Variants in SERINC2 observed in about 807,000 individuals in gnomAD.
SERINC2 encodes the protein tumor differentially expressed protein 2.
In SERINC2, 56 loss-of-function variants were observed where a neutral mutation model predicts 54.2. That is an observed-to-expected ratio of 1.03 (90% CI 0.83 to 1.29). The LOEUF (loss-of-function observed/expected upper bound fraction) is 1.29. Among genes scored for constraint, SERINC2 ranks in the 50% most tolerant of loss-of-function variants. The pLI is 0.00. For missense variants in SERINC2, 614 were observed against 607.4 expected, an observed-to-expected ratio of 1.01 and a Z score of -0.12; for synonymous variants, 272 against 253.1, an observed-to-expected ratio of 1.07 and a Z score of -0.71.
chr1:31,433,278 T>C, intron 9 of SERINC2, 93 bp downstream of exon 9: 1 of 1,088,826 alleles, frequency 9.2e-7, no homozygotes. Flanking sequence ...TTTCCTGATG[T>C]CTGCTTAAGG....
chr1:31,415,952 A>G, intron 1 of SERINC2: 2 of 979,802 alleles, frequency 2.0e-6, no homozygotes, highest in African/African-American at 1.7e-5. Context: ...TCCACAGGGG[A>G]TGGGGCCACC....
upstream of SERINC2, among the ~76,000 whole-genome samples, chr1:31,411,912 G>T (rs1640655181): frequency 6.7e-6 from 1 of 149,656 alleles, no homozygotes; most frequent in Admixed American, 6.8e-5. Flanking sequence ...GAGGTGGGAG[G>T]ATCACTTGGG....
In SERINC2 at chr1:31,424,863, A is replaced by C. The variant is rs782482661; in HGVS notation, c.382A>C (p.Ile128Leu). ...CAGCAGCCGGGACCCCCGGGCTGCC[A>C]TCCAGAATGGGTGAGAGAGGGGTCC... is the stretch of plus-strand genomic sequence containing the variant. ...VSSSRDPRAAIQNGFWFFKFL... is the reference protein window; with the variant it reads ...VSSSRDPRAALQNGFWFFKFL... The change falls in exon 3 of 10, where the codon ATC becomes CTC. Residue 128 changes from isoleucine to leucine, a missense_variant. Ile to Leu is a conservative substitution (Grantham distance 5). Transcript: ENST00000373709. 6.2e-7 allele frequency: 1 copy of C among 1,611,064 alleles called. No homozygotes were observed. The highest frequency in any genetic ancestry group is 8.5e-7 in the Non-Finnish European group (1 of 1,179,242).
rs782793850 is a variant in SERINC2 at position 31,425,894 on chromosome 1, T to C, written c.591T>C (p.Asp197=). 1.2e-6 allele frequency: 2 copies of C among 1,612,374 alleles called. No individual in the cohort carries two copies. The highest frequency in any genetic ancestry group is 1.7e-5 in the Admixed American group (1 of 60,012). Reference sequence around the variant, plus strand: ...GGCTGGGCAAGGCCGAGGAGTGCGATTCCCGTGCCTGGTACGCAGGTCAGT... The same window carrying C: ...GGCTGGGCAAGGCCGAGGAGTGCGACTCCCGTGCCTGGTACGCAGGTCAGT... ...QRWLGKAEEC[D]SRAWYAGLFF... is the part of the protein sequence containing the mutation. The change falls in exon 5 of 10, where the codon GAT becomes GAC. Residue 197 remains aspartate, a synonymous_variant. Coordinates refer to ENST00000373709, the MANE Select transcript of SERINC2 (RefSeq NM_178865.5).
chr1:31,429,648 C>A (rs782508880), intron 8 of SERINC2, 110 bp downstream of exon 8: 2 of 1,199,922 alleles, frequency 1.7e-6, no homozygotes, highest in Non-Finnish European at 2.3e-6. Flanking sequence ...TCTTCACATT[C>A]AATATATCCA....
At chr1:31,410,940 G>A (rs189460069), upstream of SERINC2, among the ~76,000 whole-genome samples, 1 of 152,170 alleles carries the variant, frequency 6.6e-6, no homozygotes, top group African/African-American at 2.4e-5. Flanking sequence ...CTGCTTGGTG[G>A]CATTTCAGTC....
At position 31,413,229 on chromosome 1, in the gene SERINC2, G is replaced by A. The variant is rs1369787540; in HGVS notation, c.-37G>A. 4.3e-5 allele frequency: 48 copies of A among 1,120,614 alleles called. No homozygotes were observed. The highest frequency in any genetic ancestry group is 5.1e-5 in the African/African-American group (3 of 58,880). The allele number at this position is 1,120,614 out of a possible 1,614,324, so 69.4% of individuals were successfully genotyped here. On this transcript the variant is annotated 5_prime_UTR_variant, in exon 1 of 10. Coordinates refer to ENST00000373709, the MANE Select transcript of SERINC2 (RefSeq NM_178865.5). The surrounding 1 kb of genome is among the most constrained non-coding windows in gnomAD (Gnocchi z 5.0). ...CCGGATCCCGAGGTCCGCGCCCCGC[G>A]CCCGGCGCCGGGCGCCCGAAGCCGG...
Position 31,429,166 on chromosome 1 carries a change from C to T in SERINC2, c.871+98C>T, listed in dbSNP as rs1641126699. ...GACCCTCACAGGTGACAGGGACATC[C>T]CTGCTCCAGCCCATTCTGAGACTCA... On this transcript the variant is annotated intron_variant, in intron 7 of 9. Transcript: ENST00000373709. 4.7e-5 allele frequency: 54 copies of T among 1,139,678 alleles called. No individual in the cohort carries two copies. The South Asian group carries it at 6.5e-4, about 14-fold the overall frequency. The allele number at this position is 1,139,678 out of a possible 1,614,324, so 70.6% of individuals were successfully genotyped here. A position where few individuals can be genotyped will look rare whatever the true frequency, so the allele number is the denominator to read the frequency against.
intron 8 of SERINC2, 112 bp from the exon 9 acceptor site, chr1:31,432,855 C>T (rs1641351887): frequency 3.8e-6 from 3 of 786,644 alleles, no homozygotes; most frequent in Middle Eastern, 3.7e-4. Context: ...TTTGTTAACT[C>T]CCAGGCCCAG....
At chr1:31,432,887 A>G (rs1451192990) in intron 8 of SERINC2, 80 bp from the exon 9 acceptor site, 15 of 1,177,652 alleles carry the variant, frequency 1.3e-5, no homozygotes, top group Non-Finnish European at 1.7e-5. Flanking sequence ...CTGGCCTCTG[A>G]GGCTCTGGGA....
chr1:31,421,022 G>A (rs1396909709), intron 1 of SERINC2, among the ~76,000 whole-genome samples: 1 of 152,162 alleles, frequency 6.6e-6, no homozygotes, highest in South Asian at 2.1e-4. Flanking sequence ...CCATGGACTA[G>A]TATCTATCCA....
rs1641210911 is a variant in SERINC2, at chr1:31,431,758, G to GAT, written c.1014-1208_1014-1207insTA. Among the ~76,000 whole-genome samples the GAT allele has an allele frequency of 3.3e-5, 5 of 151,470 alleles. 1 individual carries two copies. Among genetic ancestry groups the GAT allele is most frequent in the Non-Finnish European group, 7.4e-5 (5 of 67,964 alleles). ...CATATGGTATTTGGTAGATAGGGTG[G>GAT]AGAGGGTGGAGAGGGTGAATAGGGT... On this transcript the variant is annotated intron_variant, in intron 8 of 9. Transcript: ENST00000373709.
intron 4 of SERINC2, 114 bp from the exon 5 acceptor site, chr1:31,425,662 C>G: frequency 7.5e-7 from 1 of 1,326,696 alleles, no homozygotes; most frequent in South Asian, 1.3e-5. Context: ...TCCCTGAGGG[C>G]AGGGACTCTG....
intron 8 of SERINC2, 110 bp downstream of exon 8, chr1:31,429,648 C>G: frequency 2.5e-6 from 3 of 1,200,040 alleles, no homozygotes; most frequent in Non-Finnish European, 3.5e-6. Context: ...TCTTCACATT[C>G]AATATATCCA....
Position 31,424,737 on chromosome 1 carries a change from A to G in SERINC2, c.256A>G (p.Ile86Val), listed in dbSNP as rs1640988222. 1.2e-6 allele frequency: 2 copies of G among 1,610,424 alleles called. No homozygotes were observed. Among genetic ancestry groups the G allele is most frequent in the Admixed American group, 1.7e-5 (1 of 59,468 alleles). The part of the protein sequence containing the change: ...AGIPTVLQGH[I>V]DCGSLLGYRA... ...GATCCCCACCGTCCTGCAGGGCCAC[A>G]TCGACTGTGGCTCCCTGCTTGGCTA... Residue 86 changes from isoleucine (I) to valine (V), a missense_variant, in exon 3 of 10, where the codon ATC becomes GTC. By Grantham distance (29) the Ile-to-Val change is conservative (BLOSUM62 3). Transcript: ENST00000373709.
Position 31,424,776 on chromosome 1 carries a change from C to A in SERINC2, c.295C>A (p.Arg99Ser), listed in dbSNP as rs144622850. The A allele has an allele frequency of 2.5e-6, 4 of 1,612,362 alleles. No homozygotes were observed. Among genetic ancestry groups the A allele is most frequent in the Non-Finnish European group, 3.4e-6 (4 of 1,179,482 alleles). ...CCTGCTTGGCTACCGCGCTGTCTAC[C>A]GCATGTGCTTCGCCACGGCGGCCTT... is the stretch of plus-strand genomic sequence containing the variant. ...GSLLGYRAVY[R>S]MCFATAAFFF... Residue 99 changes from arginine to serine, a missense_variant, in exon 3 of 10, where the codon CGC (arginine) becomes AGC (serine). Coordinates refer to ENST00000373709, the MANE Select transcript of SERINC2 (RefSeq NM_178865.5).
chr1:31,432,786 G>T (rs1641348911), intron 8 of SERINC2, among the ~76,000 whole-genome samples, 181 bp from the exon 9 acceptor site: 2 of 152,242 alleles, frequency 1.3e-5, no homozygotes, highest in Non-Finnish European at 2.9e-5. Flanking sequence ...TAAGTGTTTT[G>T]CTCAAGGTCA....
Position 31,429,391 on chromosome 1 carries a change from C to G in SERINC2, c.872-6C>G. 6.2e-7 allele frequency: 1 copy of G among 1,608,226 alleles called. No homozygotes were observed. Among genetic ancestry groups the G allele is most frequent in the Non-Finnish European group, 8.5e-7 (1 of 1,176,892 alleles). On this transcript the variant is annotated splice_region_variant and splice_polypyrimidine_tract_variant and intron_variant, in intron 7 of 9. Coordinates refer to ENST00000373709, the MANE Select transcript of SERINC2 (RefSeq NM_178865.5). Reference sequence around the variant, plus strand: ...GGGCTGAGGGTGATTGTGCTCCCATCTCCAGAACAGAAATGCAACCCCCAT... The same window carrying G: ...GGGCTGAGGGTGATTGTGCTCCCATGTCCAGAACAGAAATGCAACCCCCAT...
chr1:31,415,526 T>C (rs545396423), intron 1 of SERINC2, among the ~76,000 whole-genome samples: 60 of 152,320 alleles, frequency 3.9e-4, no homozygotes, highest in Non-Finnish European at 7.9e-4. Flanking sequence ...CTAGGCCCCA[T>C]ACAGTAGTGA....
Sources: allele counts gnomAD v4.1 joint callset (sites outside exome capture counted in the v4.1 genomes callset), GRCh38; gene constraint gnomAD v4.1.1; non-coding constraint Gnocchi (gnomAD v3.1); transcripts MANE v1.5; gene names NCBI Gene and HGNC (gene_info 2026-07-23, HGNC 2026-07-21).